Variants in NCKAP5 observed in about 807,000 individuals in gnomAD.
The protein encoded by NCKAP5 is NCK associated protein 5.
A neutral mutation model predicts 167.0 loss-of-function variants in NCKAP5; 92 were observed. The ratio of observed to expected loss-of-function variants is 0.55; its 90% CI spans 0.47 to 0.66. The LOEUF is 0.66. NCKAP5 is among the 30% of genes least tolerant of loss of function. The probability of loss-of-function intolerance (pLI) is 0.00; values close to 1 mark genes in which losing one functional copy is unlikely to be tolerated. For synonymous variants in NCKAP5, 891 were observed against 877.4 expected, an observed-to-expected ratio of 1.02 and a Z score of -0.27; for missense variants, 2,378 against 2,315.0, an observed-to-expected ratio of 1.03 and a Z score of -0.56.
chr2:133,098,811 A>G (rs1292789037), intron 6 of NCKAP5, among the ~76,000 whole-genome samples: 1 of 152,224 alleles, frequency 6.6e-6, no homozygotes, highest in African/African-American at 2.4e-5. Flanking sequence ...ACACATTATT[A>G]GTTTTAGAGA....
chr2:132,725,735 A>G lies in NCKAP5; in HGVS notation c.5605T>C (p.Tyr1869His), dbSNP rs756366026. ...TQDKAPRMCT[Y>H]SASGGSNSDS... ...CTATTACTGCCACCGCTGGCAGAGTACGTACACATTCTGGGTGCCTTGTCC... is the reference window on the plus strand; with the variant it reads ...CTATTACTGCCACCGCTGGCAGAGTGCGTACACATTCTGGGTGCCTTGTCC... Residue 1869 changes from tyrosine to histidine, a missense_variant, in exon 19 of 20, where the codon TAC becomes CAC. Physicochemically the swap from Tyr to His is moderately conservative, Grantham distance 83. This residue lies in a region of NCKAP5 where 1,325 missense variants were observed against 1,274.5 expected (regional missense o/e 1.04). Coordinates refer to ENST00000409261, the MANE Select transcript of NCKAP5 (RefSeq NM_207363.3). 5.6e-6 allele frequency: 9 copies of G among 1,613,538 alleles called. No homozygotes were observed. Among genetic ancestry groups the G allele is most frequent in the Non-Finnish European group, 7.6e-6 (9 of 1,179,746 alleles).
chr2:133,673,333 G>C, the NCKAP5 span, among the ~76,000 whole-genome samples: 1 of 152,214 alleles, frequency 6.6e-6, no homozygotes, highest in Non-Finnish European at 1.5e-5. Flanking sequence ...GCATTGGACA[G>C]GCAGCACACC....
At chr2:132,861,163 C>T (rs759237852) in intron 10 of NCKAP5, among the ~76,000 whole-genome samples, 3 of 152,026 alleles carry the variant, frequency 2.0e-5, no homozygotes, top group African/African-American at 4.8e-5. Context: ...TGCCACTTGC[C>T]CATCCTCTGA....
chr2:133,376,407 G>C (rs757072192), intron 3 of NCKAP5, among the ~76,000 whole-genome samples: 1 of 152,054 alleles, frequency 6.6e-6, no homozygotes, highest in Non-Finnish European at 1.5e-5. Flanking sequence ...CTTCTCCCCC[G>C]TTTGCCCGAG....
chr2:132,696,165 C>T (rs112117823), intron 19 of NCKAP5, among the ~76,000 whole-genome samples: 2,388 of 152,250 alleles, frequency 0.016, 50 homozygotes, highest in African/African-American at 0.053. Context: ...CCTTTGTATG[C>T]AAAAATGATG....
chr2:132,910,756 T>C (rs1478596774), intron 8 of NCKAP5, among the ~76,000 whole-genome samples: 1 of 152,228 alleles, frequency 6.6e-6, no homozygotes, highest in Admixed American at 6.5e-5. Context: ...TACAAAAGAA[T>C]ATTTTAATTA....
chr2:133,375,597 C>T (rs1456743113), intron 3 of NCKAP5, among the ~76,000 whole-genome samples: 1 of 152,206 alleles, frequency 6.6e-6, no homozygotes, highest in African/African-American at 2.4e-5. Flanking sequence ...TCCTCCCACC[C>T]TCTGCCCTCT....
At chr2:133,356,368 G>A (rs1320211842) in intron 3 of NCKAP5, among the ~76,000 whole-genome samples, 2 of 152,218 alleles carry the variant, frequency 1.3e-5, no homozygotes, top group Non-Finnish European at 2.9e-5. Flanking sequence ...TCTGTGCAGA[G>A]ATAGTAATAT....
At chr2:132,708,791 T>C (rs1015986337) in intron 19 of NCKAP5, among the ~76,000 whole-genome samples, 1 of 152,234 alleles carries the variant, frequency 6.6e-6, no homozygotes, top group Non-Finnish European at 1.5e-5. Context: ...TATTAGTCCA[T>C]AGAAGATTAT....
intron 11 of NCKAP5, among the ~76,000 whole-genome samples, chr2:132,798,684 C>A (rs1211487484): frequency 6.6e-6 from 1 of 152,106 alleles, no homozygotes; most frequent in African/African-American, 2.4e-5. Flanking sequence ...CCAAATGGGT[C>A]CCTTCCCTTC....
chr2:133,258,912 G>A (rs2088767333), intron 4 of NCKAP5, among the ~76,000 whole-genome samples: 1 of 152,198 alleles, frequency 6.6e-6, no homozygotes, highest in South Asian at 2.1e-4. Flanking sequence ...GACTTCTTTT[G>A]ACTAACAGTT....
At chr2:132,877,491 C>T (rs919618974) in intron 9 of NCKAP5, among the ~76,000 whole-genome samples, 2 of 152,166 alleles carry the variant, frequency 1.3e-5, no homozygotes, top group African/African-American at 4.8e-5. Flanking sequence ...ACATAGGTCG[C>T]TGAGCCCTAC....
the NCKAP5 span, among the ~76,000 whole-genome samples, chr2:133,672,908 G>A: frequency 6.6e-6 from 1 of 152,154 alleles, no homozygotes; most frequent in Non-Finnish European, 1.5e-5. Context: ...TATTCATAAA[G>A]TCTTTGTGTG....
the NCKAP5 span, among the ~76,000 whole-genome samples, chr2:133,610,309 T>C: frequency 1.3e-5 from 2 of 152,130 alleles, no homozygotes; most frequent in African/African-American, 4.8e-5. Flanking sequence ...AAAGAGGCAA[T>C]AAACTGGGCT....
chr2:133,201,509 G>A (rs1041093461), intron 5 of NCKAP5, among the ~76,000 whole-genome samples: 1 of 152,156 alleles, frequency 6.6e-6, no homozygotes, highest in African/African-American at 2.4e-5. Flanking sequence ...AGGCAAGACT[G>A]ATACATATAT....
At chr2:133,252,030 A>T (rs2088368378) in intron 4 of NCKAP5, among the ~76,000 whole-genome samples, 2 of 152,236 alleles carry the variant, frequency 1.3e-5, no homozygotes, top group African/African-American at 4.8e-5. Flanking sequence ...TTTAGGAAAA[A>T]TAATATTTCA....
intron 2 of NCKAP5, among the ~76,000 whole-genome samples, chr2:133,523,538 A>G (rs1282486715): frequency 1.3e-5 from 2 of 152,236 alleles, no homozygotes; most frequent in East Asian, 1.9e-4. Flanking sequence ...AAATTTGAGT[A>G]GATTCCTAAC....
chr2:132,942,867 T>C (rs921905183), intron 8 of NCKAP5, among the ~76,000 whole-genome samples: 1 of 152,164 alleles, frequency 6.6e-6, no homozygotes, highest in Non-Finnish European at 1.5e-5. Context: ...CCTAACACAA[T>C]GCAACTAAGT....
intron 7 of NCKAP5, among the ~76,000 whole-genome samples, chr2:132,974,278 C>A (rs1276406013): frequency 6.6e-6 from 1 of 152,200 alleles, no homozygotes; most frequent in Non-Finnish European, 1.5e-5. Flanking sequence ...AATCCACCTA[C>A]TAATTCATAG....
Sources: allele counts gnomAD v4.1 joint callset (sites outside exome capture counted in the v4.1 genomes callset), GRCh38; gene constraint gnomAD v4.1.1; regional missense constraint gnomAD v4.1.1; transcripts MANE v1.5; gene names NCBI Gene and HGNC (gene_info 2026-07-23, HGNC 2026-07-21).